POLN: variants seen among roughly 807,000 people sequenced by gnomAD.
POLN encodes the protein DNA polymerase nu, also known as DNA polymerase N.
POLN carries 108 observed loss-of-function variants against 113.5 expected under a neutral mutation model. The ratio of observed to expected loss-of-function variants is 0.95; its 90% CI spans 0.81 to 1.12. The LOEUF is 1.12. POLN is among the 50% of genes most tolerant of loss of function. POLN has a pLI of 0.00. For missense variants in POLN, 1,097 were observed against 1,077.1 expected, an observed-to-expected ratio of 1.02 and a Z score of -0.26; for synonymous variants, 386 against 391.5, an observed-to-expected ratio of 0.99 and a Z score of 0.17.
chr4:2,075,586 G>C (rs1346519877), intron 23 of POLN, 67 bp from the exon 24 acceptor site: 1 of 1,545,626 alleles, frequency 6.5e-7, no homozygotes, highest in African/African-American at 1.4e-5. Flanking sequence ...CAGCCTGGCA[G>C]GGAGGGAGGG....
chr4:2,136,461 G>C (rs1011449781), intron 16 of POLN, among the ~76,000 whole-genome samples: 5 of 152,238 alleles, frequency 3.3e-5, no homozygotes, highest in Non-Finnish European at 7.3e-5. Context: ...CAGCCATGTG[G>C]ATGGGGCACA....
At chr4:2,135,942 G>C (rs151078178) in intron 16 of POLN, among the ~76,000 whole-genome samples, 1 of 152,330 alleles carries the variant, frequency 6.6e-6, no homozygotes, top group East Asian at 1.9e-4. Context: ...TACTCTCCTC[G>C]GGCGAGGAGC....
chr4:2,080,479 G>C (rs1730381725), intron 23 of POLN: 1 of 1,157,232 alleles, frequency 8.6e-7, no homozygotes, highest in Non-Finnish European at 1.1e-6. Flanking sequence ...TAGGGGTGGG[G>C]GCAGAGCTGG....
intron 19 of POLN, among the ~76,000 whole-genome samples, chr4:2,106,372 G>T (rs1266422551): frequency 6.6e-6 from 1 of 152,186 alleles, no homozygotes; most frequent in African/African-American, 2.4e-5. Flanking sequence ...TGGAGGTCTT[G>T]CAAGACTCCT....
At chr4:2,190,187 A>G (rs529231020) in intron 7 of POLN, among the ~76,000 whole-genome samples, 80 of 152,204 alleles carry the variant, frequency 5.3e-4, no homozygotes, top group Non-Finnish European at 8.5e-4. Flanking sequence ...TAACCAAGAC[A>G]GCATGGTACT....
At chr4:2,108,200 C>T (rs1731114055) in intron 19 of POLN, among the ~76,000 whole-genome samples, 1 of 152,208 alleles carries the variant, frequency 6.6e-6, no homozygotes, top group Admixed American at 6.5e-5. Flanking sequence ...AGGTGCGAGG[C>T]ATTGACTTGC....
At chr4:2,211,860 A>G (rs1444500456) in intron 4 of POLN, among the ~76,000 whole-genome samples, 1 of 152,164 alleles carries the variant, frequency 6.6e-6, no homozygotes. Context: ...AGAGAAAGGG[A>G]GCAAAAAGTT....
chr4:2,119,329 T>C (rs1018470439), intron 19 of POLN, among the ~76,000 whole-genome samples: 6 of 152,252 alleles, frequency 3.9e-5, no homozygotes, highest in African/African-American at 7.2e-5. Context: ...AAAGACGTGA[T>C]GGTTCCTTGA....
chr4:2,089,653 G>T, intron 20 of POLN: 2 of 770,412 alleles, frequency 2.6e-6, no homozygotes, highest in South Asian at 3.8e-5. Flanking sequence ...AGGATTATCT[G>T]AACTTCCTAA....
intron 3 of POLN, among the ~76,000 whole-genome samples, chr4:2,219,273 A>G (rs1192463397): frequency 1.3e-5 from 2 of 152,192 alleles, no homozygotes; most frequent in Non-Finnish European, 2.9e-5. Flanking sequence ...CCAGGTATCA[A>G]TATCATATGA....
At chr4:2,217,031 C>G (rs1734128755) in intron 3 of POLN, among the ~76,000 whole-genome samples, 1 of 152,160 alleles carries the variant, frequency 6.6e-6, no homozygotes. Context: ...TTTGGTGTGT[C>G]CCCATGGTGA....
chr4:2,220,890 G>A (rs369919686), intron 3 of POLN, among the ~76,000 whole-genome samples: 44 of 152,246 alleles, frequency 2.9e-4, no homozygotes, highest in South Asian at 1.0e-3. Flanking sequence ...AATGACATAC[G>A]TATGCATGTG....
intron 16 of POLN, among the ~76,000 whole-genome samples, chr4:2,141,261 T>C (rs1328735163): frequency 1.3e-5 from 2 of 152,248 alleles, no homozygotes; most frequent in Non-Finnish European, 2.9e-5. Flanking sequence ...TGTGGTATTT[T>C]AACCTCCAGT....
chr4:2,212,953 T>C lies in POLN; in HGVS notation c.213+94A>G, dbSNP rs1364684491. 21 of 706,596 alleles carry C rather than the reference T, an allele frequency of 3.0e-5. 1 individual carries two copies. In the East Asian group the frequency reaches 6.8e-4, roughly 23 times the overall value. The allele number at this position is 706,596 out of a possible 1,614,324, so 43.8% of individuals were successfully genotyped here. A position where few individuals can be genotyped will look rare whatever the true frequency, so the allele number is the denominator to read the frequency against. On this transcript the variant is annotated intron_variant, in intron 4 of 25. Coordinates refer to ENST00000511885, the MANE Select transcript of POLN (RefSeq NM_181808.4). ...CTTTTTTTTTTTTTAAGGTGTGGTA[T>C]CTACAGTGCCTAGCACACAGTAGAA... is the stretch of plus-strand genomic sequence containing the variant.
chr4:2,177,212 C>G (rs1446766211), intron 8 of POLN: 3 of 433,724 alleles, frequency 6.9e-6, no homozygotes, highest in Admixed American at 5.0e-5. Flanking sequence ...TTGAATACCC[C>G]CAGGACAGGC....
rs745485208 is a variant in POLN at position 2,081,723 on chromosome 4, C to T, written c.2218G>A (p.Gly740Ser). The change falls in exon 22 of 26, where the codon GGC (glycine) becomes AGC (serine). Residue 740 changes from glycine to serine, a missense_variant. Coordinates refer to ENST00000511885, the MANE Select transcript of POLN (RefSeq NM_181808.4). Reference sequence around the variant, plus strand: ...ATCCTTGGCAGGGGTCTCCTTCTGCCCATGATGGACACCACACAGCCTGAG... The same window carrying T: ...ATCCTTGGCAGGGGTCTCCTTCTGCTCATGATGGACACCACACAGCCTGAG... Reference protein sequence around the residue: ...HQTGCVVSIMGRRRPLPRIHA... With the variant: ...HQTGCVVSIMSRRRPLPRIHA... 1.4e-5 allele frequency: 22 copies of T among 1,613,928 alleles called. No homozygotes were observed. The highest frequency in any genetic ancestry group is 1.8e-5 in the Non-Finnish European group (21 of 1,179,986).
At chr4:2,078,507 C>A in intron 23 of POLN, 1 of 775,558 alleles carries the variant, frequency 1.3e-6, no homozygotes, top group Non-Finnish European at 1.6e-6. Context: ...GACTCTCGCT[C>A]TCGCCCAGGC....
At position 2,113,405 on chromosome 4, in the gene POLN, T is replaced by C. The variant is rs571538918; in HGVS notation, c.1982+14708A>G. Reference sequence around the variant, plus strand: ...GTATAATAATAATAATAATAAAAGATATTATAATATGCATCTTTAAGTCAT... The same window carrying C: ...GTATAATAATAATAATAATAAAAGACATTATAATATGCATCTTTAAGTCAT... On this transcript the variant is annotated intron_variant, in intron 19 of 25. Transcript: ENST00000511885. Among the ~76,000 whole-genome samples, 45 of 152,032 alleles carry C rather than the reference T, an allele frequency of 3.0e-4. 1 individual carries two copies. Among genetic ancestry groups the C allele is most frequent in the Admixed American group, 2.7e-3 (41 of 15,264 alleles).
chr4:2,196,136 AG>A (rs1340360472), intron 6 of POLN, among the ~76,000 whole-genome samples: 4 of 152,208 alleles, frequency 2.6e-5, no homozygotes, highest in African/African-American at 2.4e-5. Flanking sequence ...AATATTTTTT[AG>A]GGATGTATTC....
Sources: gnomAD v4.1 joint callset for allele counts (sites outside exome capture counted in the v4.1 genomes callset) on GRCh38, gnomAD v4.1.1 for gene constraint, MANE v1.5 for transcripts, NCBI Gene and HGNC (gene_info 2026-07-23, HGNC 2026-07-21) for gene names.